The following SPATA6L variants were observed in gnomAD, a reference collection of about 807,000 sequenced individuals.
The protein encoded by SPATA6L is spermatogenesis associated 6-like protein.
Under a neutral mutation model 49.2 loss-of-function variants are expected in SPATA6L, and 68 were observed. The observed-to-expected ratio is 1.38, with a 90% CI of 1.14 to 1.69. The LOEUF (loss-of-function observed/expected upper bound fraction) is 1.69, where lower values mean the gene tolerates loss of function less well. Ranked by LOEUF, SPATA6L falls within the 40% of genes most tolerant of loss-of-function variation. The probability of loss-of-function intolerance (pLI) is 0.00; values close to 1 mark genes in which losing one functional copy is unlikely to be tolerated. For missense variants in SPATA6L, 668 were observed against 464.3 expected, an observed-to-expected ratio of 1.44 and a Z score of -4.03; for synonymous variants, 198 against 165.7, an observed-to-expected ratio of 1.19 and a Z score of -1.50.
intron 9 of SPATA6L, among the ~76,000 whole-genome samples, chr9:4,607,824 G>A (rs1465563535): frequency 6.6e-6 from 1 of 151,820 alleles, no homozygotes; most frequent in Non-Finnish European, 1.5e-5. Context: ...TGGACTAAAT[G>A]CTCCAATTAA....
intron 1 of SPATA6L, chr9:4,663,287 C>T (rs749906119): frequency 8.8e-6 from 14 of 1,599,650 alleles, no homozygotes; most frequent in Middle Eastern, 1.7e-4. Flanking sequence ...ATTATGGCAC[C>T]AGGAAGTCTG....
chr9:4,624,704 G>C (rs565399804), intron 6 of SPATA6L, among the ~76,000 whole-genome samples: 50 of 149,272 alleles, frequency 3.3e-4, no homozygotes, highest in African/African-American at 1.0e-3. Context: ...CTCCAGCCTA[G>C]GCGACAGCGC....
At chr9:4,601,291 C>T (rs1444601445) in intron 11 of SPATA6L, among the ~76,000 whole-genome samples, 2 of 151,672 alleles carry the variant, frequency 1.3e-5, no homozygotes, top group African/African-American at 4.8e-5. Context: ...TGGCACTGCA[C>T]ACTGGGGGCC....
At position 4,635,394 on chromosome 9, in the gene SPATA6L, C is replaced by T; in HGVS notation, c.232G>A (p.Asp78Asn). The change falls in exon 4 of 12, where the codon GAT (aspartate) becomes AAT (asparagine). Residue 78 changes from aspartate (D) to asparagine (N), a missense_variant. By Grantham distance (23) the Asp-to-Asn change is conservative. Transcript: ENST00000682582. ...GAVVDLLEMWDELAYYEENTR... is the reference protein window; with the variant it reads ...GAVVDLLEMWNELAYYEENTR... ...TTTTCTTCGTAGTAGGCCAACTCAT[C>T]CCACACTAGAAAGAAAATAGAAAAA... 2 of 1,577,220 alleles carry T rather than the reference C, an allele frequency of 1.3e-6. No homozygotes were observed. Among genetic ancestry groups the T allele is most frequent in the Non-Finnish European group, 1.7e-6 (2 of 1,168,952 alleles).
chr9:4,642,825 C>T (rs963559639), intron 3 of SPATA6L, among the ~76,000 whole-genome samples: 4 of 150,350 alleles, frequency 2.7e-5, no homozygotes, highest in African/African-American at 7.5e-5. Flanking sequence ...ACAAAATCAA[C>T]ATTTATATCC....
rs1839732747 is a variant in SPATA6L, at chr9:4,661,506, T to C, written c.177+393A>G. On this transcript the variant is annotated intron_variant, in intron 2 of 11. Transcript: ENST00000682582. ...TAGTTACAGGATTTAACTAATTTCA[T>C]TATTTTTTTTTCGCTATTTTTCTTG... Among the ~76,000 whole-genome samples, 3 of 141,032 alleles carry C rather than the reference T, an allele frequency of 2.1e-5. 1 individual carries two copies. Among genetic ancestry groups the C allele is most frequent in the African/African-American group, 8.0e-5 (3 of 37,486 alleles). 92.5% of individuals were successfully genotyped at this position (141,032 alleles called of 152,430 possible). A position where few individuals can be genotyped will look rare whatever the true frequency, so the allele number is the denominator to read the frequency against.
intron 3 of SPATA6L, among the ~76,000 whole-genome samples, chr9:4,652,019 T>C (rs1451001924): frequency 1.3e-5 from 2 of 152,210 alleles, no homozygotes; most frequent in Admixed American, 6.5e-5. Context: ...TGTTTCTACT[T>C]GCAGATGACA....
chr9:4,618,706 A>T (rs566621975), intron 8 of SPATA6L, among the ~76,000 whole-genome samples, 158 bp downstream of exon 8: 80 of 152,346 alleles, frequency 5.3e-4, no homozygotes, highest in African/African-American at 1.8e-3. Flanking sequence ...GCAAAGTATA[A>T]CATGGAGTCT....
At position 4,610,225 on chromosome 9, in the gene SPATA6L, G is replaced by A. The variant is rs1305259114; in HGVS notation, c.996-4785C>T. ...TCGTGAAAATGGCCATACTGCCCAAGGTAATTTACAGATTCAATGCCATCC... is the reference window on the plus strand; with the variant it reads ...TCGTGAAAATGGCCATACTGCCCAAAGTAATTTACAGATTCAATGCCATCC... On this transcript the variant is annotated intron_variant, in intron 9 of 11. Coordinates refer to ENST00000682582, the MANE Select transcript of SPATA6L (RefSeq NM_001353486.2). Among the ~76,000 whole-genome samples the A allele has an allele frequency of 4.2e-3, 639 of 150,422 alleles. 6 individuals carry two copies. The highest frequency in any genetic ancestry group is 0.015 in the African/African-American group (601 of 41,032).
downstream of SPATA6L, among the ~76,000 whole-genome samples, chr9:4,595,833 C>A (rs749490093): frequency 1.3e-5 from 2 of 152,212 alleles, no homozygotes; most frequent in South Asian, 2.1e-4. Flanking sequence ...ACAAACCTCA[C>A]TGTAAATCAA....
rs992927654 is a variant in SPATA6L at position 4,606,308 on chromosome 9, G to C, written c.996-868C>G. On this transcript the variant is annotated intron_variant, in intron 9 of 11. Transcript: ENST00000682582. Reference sequence around the variant, plus strand: ...GGTGGAGCCCACCACAGCTCAAGGAGGCCTGCCTGCCTCTGTAGGCGCCAC... The same window carrying C: ...GGTGGAGCCCACCACAGCTCAAGGACGCCTGCCTGCCTCTGTAGGCGCCAC... Among the ~76,000 whole-genome samples the C allele has an allele frequency of 1.3e-4, 18 of 143,324 alleles. 2 individuals are homozygous for C. The highest frequency in any genetic ancestry group is 1.8e-4 in the Non-Finnish European group (12 of 66,492). The allele number at this position is 143,324 out of a possible 152,430, so 94.0% of individuals were successfully genotyped here.
intron 2 of SPATA6L, among the ~76,000 whole-genome samples, chr9:4,657,232 T>C (rs61453400): frequency 0.022 from 3,402 of 152,294 alleles, 115 homozygotes; most frequent in African/African-American, 0.077. Context: ...AAGTGTCTCA[T>C]ATAATCAATT....
chr9:4,646,424 CA>C, intron 3 of SPATA6L: 1 of 1,233,114 alleles, frequency 8.1e-7, no homozygotes, highest in Non-Finnish European at 1.1e-6. Context: ...CCCATTTTGA[CA>C]GGCCAAATTT....
intron 4 of SPATA6L, among the ~76,000 whole-genome samples, chr9:4,629,769 GTATATATA>G (rs35908661): frequency 2.6e-4 from 27 of 101,936 alleles, no homozygotes; most frequent in Non-Finnish European, 4.3e-4. Flanking sequence ...GTGTGTGTGT[GTATATATA>G]TATATATATA....
chr9:4,602,141 T>G (rs3780409), intron 11 of SPATA6L, among the ~76,000 whole-genome samples: 6 of 105,126 alleles, frequency 5.7e-5, no homozygotes, highest in African/African-American at 1.6e-4. Flanking sequence ...GAATTGACGT[T>G]TTTTTTTTTT....
intron 5 of SPATA6L, chr9:4,626,410 C>G: frequency 7.7e-7 from 1 of 1,302,948 alleles, no homozygotes; most frequent in Non-Finnish European, 1.0e-6. Context: ...TGAGTTCCAG[C>G]TCATCCAAGT....
intron 10 of SPATA6L, 53 bp from the exon 11 acceptor site, chr9:4,604,322 G>A (rs761671182): frequency 6.7e-6 from 8 of 1,201,274 alleles, no homozygotes; most frequent in African/African-American, 4.5e-5. Context: ...AATAGAGATG[G>A]ATGATACCCA....
intron 10 of SPATA6L, 90 bp from the exon 11 acceptor site, chr9:4,604,359 C>A (rs2130091690): frequency 1.3e-6 from 1 of 768,776 alleles, no homozygotes; most frequent in Non-Finnish European, 2.2e-6. Context: ...TGTAGGAGGT[C>A]TGTGCATCCC....
rs1278242850 is a variant in SPATA6L at position 4,605,369 on chromosome 9, C to T, written c.1067G>A (p.Arg356Lys). 6.2e-7 allele frequency: 1 copy of T among 1,614,048 alleles called. No individual in the cohort carries two copies. Among genetic ancestry groups the T allele is most frequent in the Non-Finnish European group, 8.5e-7 (1 of 1,179,936 alleles). ...ERVCSLLTSH[R>K]AQLHQNKEDS... ...AACCTTGTTTTGGTGCAGCTGTGCT[C>T]TGTGGGATGTCAGAAGACTGCATAC... The change falls in exon 10 of 12, where the codon AGA (arginine) becomes AAA (lysine). Residue 356 changes from arginine to lysine, a missense_variant. Arg to Lys is a conservative substitution (Grantham distance 26, BLOSUM62 2). Transcript: ENST00000682582.
Sources: allele counts gnomAD v4.1 joint callset (sites outside exome capture counted in the v4.1 genomes callset), GRCh38; gene constraint gnomAD v4.1.1; transcripts MANE v1.5; gene names NCBI Gene and HGNC (gene_info 2026-07-23, HGNC 2026-07-21).